MED1: variants seen among roughly 807,000 people sequenced by gnomAD.
The protein encoded by MED1 is mediator of RNA polymerase II transcription subunit 1.
MED1 carries 17 observed loss-of-function variants against 121.3 expected under a neutral mutation model. That is an observed-to-expected ratio of 0.14 (90% CI 0.10 to 0.21). The LOEUF (loss-of-function observed/expected upper bound fraction) is 0.21. Among genes scored for constraint, MED1 ranks in the 10% least tolerant of loss-of-function variants. MED1 has a pLI of 1.00. For missense variants in MED1, 1,558 were observed against 1,919.4 expected (o/e 0.81, Z 3.52); for synonymous variants, 661 against 694.4 (o/e 0.95, Z 0.76).
Position 39,408,164 on chromosome 17 carries a change from C to T in MED1, c.4057G>A (p.Gly1353Ser). 1 of 1,613,992 alleles carries T rather than the reference C, an allele frequency of 6.2e-7. No individual in the cohort carries two copies. The highest frequency in any genetic ancestry group is 8.5e-7 in the Non-Finnish European group (1 of 1,180,022). Residue 1353 changes from glycine (G) to serine (S), a missense_variant, in exon 17 of 17, where the codon GGC becomes AGC. By Grantham distance (56) the Gly-to-Ser change is moderately conservative. Around this residue, in one of 5 missense-constraint regions of MED1, gnomAD observed 264 missense variants for 326.1 expected, o/e 0.81. Transcript: ENST00000300651. This position sits in a 1 kb window ranked among gnomAD's most constrained non-coding sequence, Gnocchi z 4.7. ...TCTTTATCACTTTTCTCACGCTTGC[C>T]CTGAAACTCTCCTCCTGACATGTTA... Reference protein sequence around the residue: ...KHNMSGGEFQGKREKSDKDKS... With the variant: ...KHNMSGGEFQSKREKSDKDKS...
At chr17:39,427,142 C>A (rs930555917) in intron 10 of MED1, among the ~76,000 whole-genome samples, 5 of 152,026 alleles carry the variant, frequency 3.3e-5, no homozygotes, top group African/African-American at 1.2e-4. Flanking sequence ...TCGTTTATAT[C>A]TCTTCTTATG....
intron 1 of MED1, among the ~76,000 whole-genome samples, chr17:39,448,960 C>G (rs993424210): frequency 6.6e-6 from 1 of 151,896 alleles, no homozygotes; most frequent in Non-Finnish European, 1.5e-5. Context: ...AATGAACAAA[C>G]TAGACAAAAA....
chr17:39,433,584 C>T (rs2048590017), intron 7 of MED1, among the ~76,000 whole-genome samples: 1 of 150,986 alleles, frequency 6.6e-6, no homozygotes, highest in Non-Finnish European at 1.5e-5. Context: ...GACAGCATCT[C>T]GCTCTGTCAA....
intron 13 of MED1, among the ~76,000 whole-genome samples, chr17:39,420,577 T>C (rs2048452987): frequency 6.6e-6 from 1 of 151,996 alleles, no homozygotes; most frequent in Admixed American, 6.6e-5. Flanking sequence ...CTTTAGTCTA[T>C]TGTAAAAGAT....
chr17:39,443,511 G>A (rs1390736091), intron 3 of MED1, 39 bp downstream of exon 3: 5 of 1,558,086 alleles, frequency 3.2e-6, no homozygotes, highest in Non-Finnish European at 4.4e-6. Flanking sequence ...TGAACTGGGG[G>A]TTTTGTGAAA....
intron 2 of MED1, among the ~76,000 whole-genome samples, chr17:39,444,846 G>A (rs534672690): frequency 1.1e-4 from 16 of 151,876 alleles, no homozygotes; most frequent in Admixed American, 9.2e-4. Context: ...TCCAACCTTG[G>A]TGACAGAGTG....
At chr17:39,415,688 A>T (rs2048402019) in intron 14 of MED1, among the ~76,000 whole-genome samples, 1 of 151,952 alleles carries the variant, frequency 6.6e-6, no homozygotes, top group South Asian at 2.1e-4. Flanking sequence ...GTGGTGGCAC[A>T]TGCCTGTAAT....
rs2048317215 is a variant in MED1, at chr17:39,407,793, A to AT, written c.4427dup (p.Tyr1476Ter). 6.2e-7 allele frequency: 1 copy of AT among 1,613,852 alleles called. No homozygotes were observed. The highest frequency in any genetic ancestry group is 8.5e-7 in the Non-Finnish European group (1 of 1,180,024). Residue 1476 changes from tyrosine (Y) to a stop codon, truncating the protein, a stop_gained and frameshift_variant, in exon 17 of 17, where the codon TAT becomes TAAT. Transcript: ENST00000300651. LOFTEE classifies it high-confidence loss of function. ...ESGSSIAEKS[Y>*]QNSPSSDDGI... The stretch of plus-strand genomic sequence containing the variant: ...CATCGTCTGAGCTGGGACTATTCTG[A>AT]TAAGATTTCTCTGCTATGGAGGAGC...
At chr17:39,442,281 TA>T (rs2048682891) in intron 3 of MED1, among the ~76,000 whole-genome samples, 1 of 151,766 alleles carries the variant, frequency 6.6e-6, no homozygotes, top group Non-Finnish European at 1.5e-5. Context: ...ATAAACACCG[TA>T]AAAATCTTTT....
chr17:39,420,510 C>G (rs2048452370), intron 13 of MED1, among the ~76,000 whole-genome samples: 1 of 151,860 alleles, frequency 6.6e-6, no homozygotes, highest in Admixed American at 6.6e-5. Context: ...TGCAAATTCT[C>G]TATTTTTAAT....
chr17:39,415,847 G>A (rs924567205), intron 14 of MED1, among the ~76,000 whole-genome samples: 9 of 149,152 alleles, frequency 6.0e-5, no homozygotes, highest in African/African-American at 9.9e-5. Context: ...AAAATTAGCC[G>A]GGTGTGGTGG....
intron 13 of MED1, among the ~76,000 whole-genome samples, chr17:39,422,157 A>G (rs1052118310): frequency 3.3e-5 from 5 of 151,180 alleles, no homozygotes; most frequent in Admixed American, 3.3e-4. Flanking sequence ...TATCACCCAA[A>G]ATTTCTTTTT....
At chr17:39,422,446 T>C (rs984288667) in intron 13 of MED1, among the ~76,000 whole-genome samples, 8 of 147,538 alleles carry the variant, frequency 5.4e-5, no homozygotes, top group South Asian at 2.1e-4. Flanking sequence ...GGATTAGACA[T>C]GTGAAACACC....
intron 6 of MED1, among the ~76,000 whole-genome samples, chr17:39,437,774 A>G (rs1177388124): frequency 1.3e-5 from 2 of 151,862 alleles, no homozygotes; most frequent in African/African-American, 4.8e-5. Flanking sequence ...GTCTCTACTG[A>G]AAATACAAAA....
chr17:39,422,665 G>A (rs1323897023), intron 13 of MED1, among the ~76,000 whole-genome samples: 2 of 150,486 alleles, frequency 1.3e-5, no homozygotes, highest in Non-Finnish European at 3.0e-5. Flanking sequence ...TAGTAGAGAC[G>A]GGGTTTCACC....
At chr17:39,446,947 G>C (rs978462198) in intron 2 of MED1, among the ~76,000 whole-genome samples, 1 of 152,008 alleles carries the variant, frequency 6.6e-6, no homozygotes, top group African/African-American at 2.4e-5. Context: ...AAAAAAGAAT[G>C]AATCAAAAAT....
intron 2 of MED1, among the ~76,000 whole-genome samples, chr17:39,444,542 A>G (rs960396058): frequency 6.6e-6 from 1 of 151,676 alleles, no homozygotes; most frequent in Non-Finnish European, 1.5e-5. Flanking sequence ...CAGAACATGT[A>G]GTCCAGAAAA....
At chr17:39,417,588 C>T (rs2144728287) in intron 14 of MED1, among the ~76,000 whole-genome samples, 1 of 152,272 alleles carries the variant, frequency 6.6e-6, no homozygotes, top group East Asian at 1.9e-4. Flanking sequence ...GAAATTGCGC[C>T]ACTGCACTCC....
rs922873446 is a variant in MED1, at chr17:39,409,274, G to A, written c.2947C>T (p.Leu983Phe). The A allele has an allele frequency of 1.2e-6, 2 of 1,614,136 alleles. No individual in the cohort carries two copies. Among genetic ancestry groups the A allele is most frequent in the African/African-American group, 2.7e-5 (2 of 75,020 alleles). The change falls in exon 17 of 17, where the codon CTC becomes TTC. Residue 983 changes from leucine to phenylalanine, a missense_variant. This residue lies in a region of MED1 where 793 missense variants were observed against 898.2 expected (regional missense o/e 0.88). Coordinates refer to ENST00000300651, the MANE Select transcript of MED1 (RefSeq NM_004774.4). Reference sequence around the variant, plus strand: ...TTGCTGTCTAATCCGGGCCCCGAGAGAGTACTATTACTGGTGCCATTGCCT... The same window carrying A: ...TTGCTGTCTAATCCGGGCCCCGAGAAAGTACTATTACTGGTGCCATTGCCT... ...KEGNGTSNST[L>F]SGPGLDSKPG...
Sources: allele counts gnomAD v4.1 joint callset (sites outside exome capture counted in the v4.1 genomes callset), GRCh38; gene constraint gnomAD v4.1.1; regional missense constraint gnomAD v4.1.1; non-coding constraint Gnocchi (gnomAD v3.1); transcripts MANE v1.5; gene names NCBI Gene and HGNC (gene_info 2026-07-23, HGNC 2026-07-21).